ARHGAP15: variants seen among roughly 807,000 people sequenced by gnomAD.
ARHGAP15 encodes the protein Rho GTPase activating protein 15.
In ARHGAP15, 51 loss-of-function variants were observed where a neutral mutation model predicts 63.7. That is an observed-to-expected ratio of 0.80 (90% confidence interval 0.64 to 1.01). The LOEUF (loss-of-function observed/expected upper bound fraction) is 1.01, where lower values mean the gene tolerates loss of function less well. Ranked by LOEUF, ARHGAP15 falls within the 50% of genes least tolerant of loss-of-function variation. The pLI is 0.00. For missense variants in ARHGAP15, 560 were observed against 564.6 expected, an observed-to-expected ratio of 0.99 and a Z score of 0.08; for synonymous variants, 191 against 193.8, an observed-to-expected ratio of 0.99 and a Z score of 0.12.
At chr2:143,634,286 C>CAGCTA (rs1680194790) in intron 12 of ARHGAP15, among the ~76,000 whole-genome samples, 1 of 152,104 alleles carries the variant, frequency 6.6e-6, no homozygotes, top group Admixed American at 6.6e-5. Context: ...AGTCTCTCAT[C>CAGCTA]AGCTAAGCTA....
intron 12 of ARHGAP15, among the ~76,000 whole-genome samples, chr2:143,654,669 ATTTCT>A (rs1405739584): frequency 6.6e-6 from 1 of 152,192 alleles, no homozygotes; most frequent in Non-Finnish European, 1.5e-5. Context: ...GTTGACTGAC[ATTTCT>A]AGTGTCACCG....
Position 143,519,144 on chromosome 2 carries a change from A to G in ARHGAP15, c.827-122A>G. On this transcript the variant is annotated intron_variant, in intron 9 of 13. Transcript: ENST00000295095. ...TCTGCCATAGACACTATGGAAATAA[A>G]GCAAAAAAAAAATCTTATGCAAGAT... 2 of 683,436 alleles carry G rather than the reference A, an allele frequency of 2.9e-6. 1 individual carries two copies. The highest frequency in any genetic ancestry group is 5.0e-6 in the Non-Finnish European group (2 of 399,572). 42.3% of individuals were successfully genotyped at this position (683,436 alleles called of 1,614,324 possible). A position where few individuals can be genotyped will look rare whatever the true frequency, so the allele number is the denominator to read the frequency against.
At chr2:143,221,663 G>T (rs1693002009) in intron 4 of ARHGAP15, among the ~76,000 whole-genome samples, 2 of 152,146 alleles carry the variant, frequency 1.3e-5, no homozygotes, top group African/African-American at 4.8e-5. Context: ...TGAAGTCTCA[G>T]CACCACAAAC....
chr2:143,409,309 T>C (rs1476633317), intron 6 of ARHGAP15, among the ~76,000 whole-genome samples: 1 of 151,968 alleles, frequency 6.6e-6, no homozygotes, highest in Non-Finnish European at 1.5e-5. Flanking sequence ...GGTGCTATTT[T>C]TGATGGGACA....
chr2:143,313,408 A>T (rs529112375), intron 6 of ARHGAP15, among the ~76,000 whole-genome samples: 6 of 152,236 alleles, frequency 3.9e-5, no homozygotes, highest in Non-Finnish European at 8.8e-5. Flanking sequence ...TCTATTTTCC[A>T]CTAAAACCTG....
At chr2:143,214,712 T>C (rs895303134) in intron 3 of ARHGAP15, among the ~76,000 whole-genome samples, 38 of 152,228 alleles carry the variant, frequency 2.5e-4, no homozygotes, top group African/African-American at 9.2e-4. Flanking sequence ...TCATTATTAT[T>C]ATCTCTATCA....
At chr2:143,473,803 A>C (rs1047713541) in intron 8 of ARHGAP15, among the ~76,000 whole-genome samples, 1 of 152,188 alleles carries the variant, frequency 6.6e-6, no homozygotes, top group Non-Finnish European at 1.5e-5. Flanking sequence ...TAATCTGTGC[A>C]TTTCCAATTC....
At chr2:143,335,081 T>G (rs72617089) in intron 6 of ARHGAP15, among the ~76,000 whole-genome samples, 25 of 152,118 alleles carry the variant, frequency 1.6e-4, no homozygotes, top group Admixed American at 2.0e-4. Context: ...ATGTCTTGAC[T>G]GGAGAATTTC....
At chr2:143,717,142 C>T (rs940616844) in intron 13 of ARHGAP15, among the ~76,000 whole-genome samples, 15 of 152,322 alleles carry the variant, frequency 9.8e-5, no homozygotes, top group African/African-American at 3.4e-4. Flanking sequence ...TGCCTTTTAT[C>T]ACCTTCTTTC....
intron 12 of ARHGAP15, among the ~76,000 whole-genome samples, chr2:143,633,823 C>T (rs1027891521): frequency 6.6e-6 from 1 of 152,106 alleles, no homozygotes; most frequent in Non-Finnish European, 1.5e-5. Context: ...GCCTTCTATC[C>T]TACACTGAGG....
At chr2:143,314,915 C>T (rs13401990) in intron 6 of ARHGAP15, among the ~76,000 whole-genome samples, 19,325 of 152,078 alleles carry the variant, frequency 0.13, 1,610 homozygotes, top group Non-Finnish European at 0.16. Context: ...ATCTAATATC[C>T]CTGTACTGTC....
At chr2:143,571,082 G>C (rs536210255) in intron 11 of ARHGAP15, among the ~76,000 whole-genome samples, 1 of 152,286 alleles carries the variant, frequency 6.6e-6, no homozygotes, top group South Asian at 2.1e-4. Context: ...CTGCACATGG[G>C]AGGGATCTAG....
At chr2:143,487,058 T>C (rs922064212) in intron 8 of ARHGAP15, among the ~76,000 whole-genome samples, 1 of 152,194 alleles carries the variant, frequency 6.6e-6, no homozygotes, top group Non-Finnish European at 1.5e-5. Context: ...TTTTCTTTAC[T>C]CTGACCACAA....
intron 10 of ARHGAP15, among the ~76,000 whole-genome samples, chr2:143,551,743 T>C (rs535182511): frequency 6.6e-6 from 1 of 152,280 alleles, no homozygotes; most frequent in East Asian, 1.9e-4. Context: ...GATGGGTGTC[T>C]CATAAGAAAT....
At chr2:143,338,489 G>C (rs998577734) in intron 6 of ARHGAP15, among the ~76,000 whole-genome samples, 3 of 152,076 alleles carry the variant, frequency 2.0e-5, no homozygotes, top group Admixed American at 6.6e-5. Context: ...TGTGTGAAAG[G>C]CATCCACAAT....
chr2:143,403,836 G>A (rs957724347), intron 6 of ARHGAP15, among the ~76,000 whole-genome samples: 11 of 151,762 alleles, frequency 7.2e-5, no homozygotes, highest in African/African-American at 2.7e-4. Context: ...ATGAGTATAT[G>A]AAGCTAACAT....
intron 12 of ARHGAP15, among the ~76,000 whole-genome samples, chr2:143,661,390 T>C (rs1038260435): frequency 1.3e-5 from 2 of 152,188 alleles, no homozygotes; most frequent in Non-Finnish European, 2.9e-5. Context: ...TGTGACATTG[T>C]TTTTATATAG....
At chr2:143,189,516 T>G (rs942329394) in intron 2 of ARHGAP15, among the ~76,000 whole-genome samples, 97 of 144,198 alleles carry the variant, frequency 6.7e-4, no homozygotes, top group Non-Finnish European at 6.8e-4. Flanking sequence ...TTTTTTTTTT[T>G]GGGAGACAGT....
intron 2 of ARHGAP15, among the ~76,000 whole-genome samples, chr2:143,181,121 T>C (rs1167910656): frequency 6.6e-6 from 1 of 152,212 alleles, no homozygotes; most frequent in African/African-American, 2.4e-5. Flanking sequence ...GCATTGTCAA[T>C]GAATAGTAAT....
Sources: allele counts gnomAD v4.1 joint callset (sites outside exome capture counted in the v4.1 genomes callset), GRCh38; gene constraint gnomAD v4.1.1; transcripts MANE v1.5; gene names NCBI Gene and HGNC (gene_info 2026-07-23, HGNC 2026-07-21).